Variants in NSMCE2 observed in about 807,000 individuals in gnomAD.
NSMCE2 encodes the protein NSE2 SUMO ligase component of SMC5/6 complex, also known as E3 SUMO-protein ligase NSE2.
A neutral mutation model predicts 23.8 loss-of-function variants in NSMCE2; 24 were observed. That is an observed-to-expected ratio of 1.01 (90% CI 0.73 to 1.42). NSMCE2 has a LOEUF of 1.42. Among genes scored for constraint, NSMCE2 ranks in the 40% most tolerant of loss-of-function variants. The pLI is 0.00. For synonymous variants in NSMCE2, 92 were observed against 94.1 expected, an observed-to-expected ratio of 0.98 and a Z score of 0.13; for missense variants, 284 against 296.5, an observed-to-expected ratio of 0.96 and a Z score of 0.31.
chr8:125,357,925 G>A (rs989817960), intron 7 of NSMCE2, 107 bp downstream of exon 7: 23 of 745,224 alleles, frequency 3.1e-5, no homozygotes, highest in East Asian at 5.1e-5. Context: ...TCTAAATTCC[G>A]TTCACCTCCC....
chr8:125,210,635 C>G (rs1824289765), intron 5 of NSMCE2, among the ~76,000 whole-genome samples: 1 of 151,968 alleles, frequency 6.6e-6, no homozygotes, highest in Admixed American at 6.6e-5. Context: ...CATTTTGTTC[C>G]TTTTTTTTCT....
chr8:125,330,619 C>T (rs1829840117), intron 5 of NSMCE2, among the ~76,000 whole-genome samples: 1 of 152,152 alleles, frequency 6.6e-6, no homozygotes, highest in African/African-American at 2.4e-5. Context: ...TAAGCTCGCA[C>T]CTGGGCAACT....
At chr8:125,140,893 T>C (rs2130621274) in intron 3 of NSMCE2, among the ~76,000 whole-genome samples, 1 of 152,240 alleles carries the variant, frequency 6.6e-6, no homozygotes, top group East Asian at 1.9e-4. Flanking sequence ...ACAGTTTCTT[T>C]TCAGTCTACC....
intron 5 of NSMCE2, among the ~76,000 whole-genome samples, chr8:125,242,652 C>G (rs1237508279): frequency 6.6e-6 from 1 of 152,172 alleles, no homozygotes; most frequent in Non-Finnish European, 1.5e-5. Flanking sequence ...CAGCTTACAA[C>G]AGCAGGAGCT....
At chr8:125,360,711 A>G (rs1042608720) in intron 7 of NSMCE2, among the ~76,000 whole-genome samples, 2 of 152,244 alleles carry the variant, frequency 1.3e-5, no homozygotes, top group Non-Finnish European at 2.9e-5. Flanking sequence ...GAAGTTTCTG[A>G]TGAAGCATGA....
chr8:125,302,608 G>C (rs1259537587), intron 5 of NSMCE2, among the ~76,000 whole-genome samples: 2 of 152,180 alleles, frequency 1.3e-5, no homozygotes, highest in African/African-American at 4.8e-5. Context: ...CTAAGTGCTT[G>C]ACCTGTGTTA....
chr8:125,361,260 G>A (rs995115497), intron 7 of NSMCE2, among the ~76,000 whole-genome samples: 2 of 151,970 alleles, frequency 1.3e-5, no homozygotes, highest in African/African-American at 4.8e-5. Context: ...TAGAGACAGG[G>A]TTTCACCATG....
intron 5 of NSMCE2, among the ~76,000 whole-genome samples, chr8:125,254,951 C>A (rs1826344847): frequency 6.6e-6 from 1 of 152,140 alleles, no homozygotes; most frequent in Non-Finnish European, 1.5e-5. Flanking sequence ...TCTGCCCCTT[C>A]CACTTGGATC....
intron 5 of NSMCE2, among the ~76,000 whole-genome samples, chr8:125,255,208 G>C (rs1470127848): frequency 1.3e-5 from 2 of 152,042 alleles, no homozygotes; most frequent in African/African-American, 4.8e-5. Flanking sequence ...CCCAGTTAAT[G>C]CTACATGAAA....
At chr8:125,134,021 G>A (rs1427346099) in intron 3 of NSMCE2, among the ~76,000 whole-genome samples, 1 of 152,200 alleles carries the variant, frequency 6.6e-6, no homozygotes, top group Non-Finnish European at 1.5e-5. Context: ...CAAGTTCCCA[G>A]TTGATGGTGA....
intron 7 of NSMCE2, among the ~76,000 whole-genome samples, chr8:125,359,697 G>T (rs1391520130): frequency 1.3e-5 from 2 of 152,128 alleles, no homozygotes; most frequent in South Asian, 2.1e-4. Context: ...CACCTCATTG[G>T]CATATTTGAA....
At chr8:125,263,758 A>G (rs1826797436) in intron 5 of NSMCE2, among the ~76,000 whole-genome samples, 1 of 149,314 alleles carries the variant, frequency 6.7e-6, no homozygotes, top group Admixed American at 6.7e-5. Context: ...TCAAAAAAAA[A>G]CAAAAAAAAA....
intron 7 of NSMCE2, among the ~76,000 whole-genome samples, chr8:125,366,400 C>T (rs1307245857): frequency 1.3e-5 from 2 of 151,958 alleles, no homozygotes; most frequent in African/African-American, 2.4e-5. Flanking sequence ...ATTAGCCGGG[C>T]GTGGTGGTGG....
intron 5 of NSMCE2, among the ~76,000 whole-genome samples, chr8:125,191,805 T>C (rs1253695440): frequency 6.6e-6 from 1 of 152,200 alleles, no homozygotes; most frequent in African/African-American, 2.4e-5. Flanking sequence ...TCGCGTAATC[T>C]TTACAACATC....
intron 5 of NSMCE2, among the ~76,000 whole-genome samples, chr8:125,324,548 A>T (rs1586769940): frequency 2.2e-5 from 3 of 135,002 alleles, no homozygotes; most frequent in Non-Finnish European, 3.1e-5. Context: ...AGCATATCCT[A>T]TGTGATTCCA....
intron 4 of NSMCE2, among the ~76,000 whole-genome samples, chr8:125,174,252 T>G (rs1822363387): frequency 6.6e-6 from 1 of 152,178 alleles, no homozygotes; most frequent in Non-Finnish European, 1.5e-5. Flanking sequence ...CACTTTTGTC[T>G]GTTTGTTATA....
intron 3 of NSMCE2, among the ~76,000 whole-genome samples, chr8:125,108,748 G>GAGTC (rs1364324584): frequency 1.1e-4 from 17 of 152,318 alleles, no homozygotes; most frequent in African/African-American, 4.1e-4. Flanking sequence ...GTGTAAGACT[G>GAGTC]AGTCCAGCTA....
At chr8:125,298,689 TTTTTTTTG>T (rs1206100841) in intron 5 of NSMCE2, among the ~76,000 whole-genome samples, 110 of 71,320 alleles carry the variant, frequency 1.5e-3, no homozygotes, top group African/African-American at 6.3e-3. Flanking sequence ...ATCTGTGGGT[TTTTTTTTG>T]TTTTTTTTTT....
At chr8:125,195,099 T>C (rs1823553801) in intron 5 of NSMCE2, among the ~76,000 whole-genome samples, 1 of 152,168 alleles carries the variant, frequency 6.6e-6, no homozygotes, top group African/African-American at 2.4e-5. Context: ...AGAGTAAGAC[T>C]GAATTTTCAG....
Sources: gnomAD v4.1 joint callset for allele counts (sites outside exome capture counted in the v4.1 genomes callset) on GRCh38, gnomAD v4.1.1 for gene constraint, MANE v1.5 for transcripts, NCBI Gene and HGNC (gene_info 2026-07-23, HGNC 2026-07-21) for gene names.